The following TRPM3 variants were observed in gnomAD, a reference collection of about 807,000 sequenced individuals.
TRPM3 encodes the protein transient receptor potential cation channel subfamily M member 3, also known as long transient receptor potential channel 3.
In TRPM3, 77 loss-of-function variants were observed where a neutral mutation model predicts 181.2. The ratio of observed to expected loss-of-function variants is 0.42; its 90% CI spans 0.35 to 0.51. The LOEUF (loss-of-function observed/expected upper bound fraction) is 0.51, where lower values mean the gene tolerates loss of function less well. Ranked by LOEUF, TRPM3 falls within the 20% of genes least tolerant of loss-of-function variation. The pLI is 0.01. For synonymous variants in TRPM3, 745 were observed against 796.4 expected (o/e 0.94, Z 1.09); for missense variants, 1,759 against 2,196.7 (o/e 0.80, Z 3.98).
chr9:71,010,894 T>A (rs1268423069), intron 1 of TRPM3, among the ~76,000 whole-genome samples: 1 of 149,388 alleles, frequency 6.7e-6, no homozygotes, highest in Non-Finnish European at 1.5e-5. Context: ...CAACAACAGA[T>A]GACTTTATAA....
intron 1 of TRPM3, among the ~76,000 whole-genome samples, chr9:71,180,455 A>G (rs568299712): frequency 3.0e-4 from 46 of 152,260 alleles, no homozygotes; most frequent in Admixed American, 1.4e-3. Flanking sequence ...CTAAGAATCC[A>G]TTTTTAGGAG....
intron 1 of TRPM3, among the ~76,000 whole-genome samples, chr9:70,915,892 T>A (rs964074143): frequency 6.6e-6 from 1 of 152,096 alleles, no homozygotes; most frequent in African/African-American, 2.4e-5. Flanking sequence ...ACAAGAAGGT[T>A]ACAGAACACC....
chr9:70,912,997 C>T (rs2096554067), intron 1 of TRPM3, among the ~76,000 whole-genome samples: 1 of 152,072 alleles, frequency 6.6e-6, no homozygotes, highest in African/African-American at 2.4e-5. Flanking sequence ...CCAAGGAACC[C>T]ACTTAGATAA....
At chr9:70,884,533 G>C (rs1265443938) in intron 1 of TRPM3, among the ~76,000 whole-genome samples, 3 of 152,192 alleles carry the variant, frequency 2.0e-5, no homozygotes, top group African/African-American at 4.8e-5. Flanking sequence ...TGGCAAAGCT[G>C]CTTCTTATTA....
intron 1 of TRPM3, among the ~76,000 whole-genome samples, chr9:71,118,052 T>G (rs1215930818): frequency 1.3e-5 from 2 of 152,114 alleles, no homozygotes; most frequent in Non-Finnish European, 2.9e-5. Context: ...TAAACTTGAC[T>G]TTTTTTGTGA....
chr9:71,335,946 G>T (rs1427643383), intron 1 of TRPM3, among the ~76,000 whole-genome samples: 1 of 152,114 alleles, frequency 6.6e-6, no homozygotes, highest in Non-Finnish European at 1.5e-5. Flanking sequence ...GAGTCCGTGA[G>T]ATTGATCAGT....
chr9:70,993,091 G>A (rs1219605724), intron 1 of TRPM3, among the ~76,000 whole-genome samples: 3 of 152,160 alleles, frequency 2.0e-5, no homozygotes, highest in Admixed American at 1.3e-4. Flanking sequence ...GGACCTGAGG[G>A]CATAGAGGAG....
At chr9:71,186,151 G>A (rs918315810) in intron 1 of TRPM3, among the ~76,000 whole-genome samples, 1 of 151,916 alleles carries the variant, frequency 6.6e-6, no homozygotes, top group South Asian at 2.1e-4. Flanking sequence ...TTTTTATAAG[G>A]ATGCCAATCA....
intron 1 of TRPM3, among the ~76,000 whole-genome samples, chr9:71,377,616 A>G (rs1161089009): frequency 1.3e-5 from 2 of 151,988 alleles, no homozygotes; most frequent in Non-Finnish European, 2.9e-5. Flanking sequence ...TTTTTTATGT[A>G]AAGTTTTATT....
chr9:71,096,586 ACACACT>A (rs1480684405), intron 1 of TRPM3, among the ~76,000 whole-genome samples: 34 of 100,242 alleles, frequency 3.4e-4, no homozygotes, highest in African/African-American at 1.6e-3. Flanking sequence ...ACACACACAC[ACACACT>A]CTCTCTCTCT....
At chr9:71,135,076 C>T (rs1182395245) in intron 1 of TRPM3, among the ~76,000 whole-genome samples, 2 of 152,304 alleles carry the variant, frequency 1.3e-5, no homozygotes, top group Non-Finnish European at 2.9e-5. Context: ...TGACAATTTT[C>T]AGCATGCTCA....
chr9:71,308,637 T>A (rs1318796906), intron 1 of TRPM3, among the ~76,000 whole-genome samples: 1 of 152,112 alleles, frequency 6.6e-6, no homozygotes, highest in Non-Finnish European at 1.5e-5. Flanking sequence ...ATTTTACACC[T>A]CAGCAAACAA....
chr9:71,150,892 TC>T (rs1357344902), intron 1 of TRPM3, among the ~76,000 whole-genome samples: 2 of 152,142 alleles, frequency 1.3e-5, no homozygotes, highest in African/African-American at 4.8e-5. Context: ...CACTAAAAGA[TC>T]AATGGAACAG....
chr9:70,923,826 C>CTA lies in TRPM3; in HGVS notation c.178-59316_178-59315insTA, dbSNP rs1193583058. ...ACACTCTCTCTCTCTCTCTCTCTCT[C>CTA]TCTATATATATATATATACACACAC... On this transcript the variant is annotated intron_variant, in intron 1 of 25. Transcript: ENST00000677713. Among the ~76,000 whole-genome samples the CTA allele has an allele frequency of 5.0e-3, 714 of 142,490 alleles. 4 individuals are homozygous for CTA. The highest frequency in any genetic ancestry group is 0.013 in the African/African-American group (493 of 38,128). 93.5% of individuals were successfully genotyped at this position (142,490 alleles called of 152,430 possible).
At chr9:70,872,039 G>C (rs971830078) in intron 1 of TRPM3, among the ~76,000 whole-genome samples, 2 of 152,014 alleles carry the variant, frequency 1.3e-5, no homozygotes, top group East Asian at 3.9e-4. Context: ...TATTTTTCTG[G>C]GATGTTCGCA....
At chr9:70,979,198 C>T (rs2909295) in intron 1 of TRPM3, among the ~76,000 whole-genome samples, 101,929 of 152,054 alleles carry the variant, frequency 0.67, 34,364 homozygotes, top group South Asian at 0.73. Context: ...CTCCTTATCC[C>T]GTTACAACTC....
chr9:71,061,760 G>T (rs1175037147), intron 1 of TRPM3, among the ~76,000 whole-genome samples: 2 of 152,046 alleles, frequency 1.3e-5, no homozygotes, highest in Non-Finnish European at 2.9e-5. Context: ...GGAAGCTTGT[G>T]CTTAGTATCC....
At chr9:70,741,408 T>C (rs2074058822) in intron 8 of TRPM3, among the ~76,000 whole-genome samples, 1 of 152,216 alleles carries the variant, frequency 6.6e-6, no homozygotes, top group South Asian at 2.1e-4. Flanking sequence ...TGAAAAACAC[T>C]GTGGATATTC....
chr9:71,345,195 A>T (rs868446081), intron 1 of TRPM3, among the ~76,000 whole-genome samples: 5 of 152,200 alleles, frequency 3.3e-5, no homozygotes, highest in Non-Finnish European at 5.9e-5. Flanking sequence ...TTCCTCAAGG[A>T]TCTACAATCA....
Sources: allele counts gnomAD v4.1 joint callset (sites outside exome capture counted in the v4.1 genomes callset), GRCh38; gene constraint gnomAD v4.1.1; transcripts MANE v1.5; gene names NCBI Gene and HGNC (gene_info 2026-07-23, HGNC 2026-07-21).